The following ARHGAP15 variants were observed in gnomAD, a reference collection of about 807,000 sequenced individuals.
ARHGAP15 encodes the protein Rho GTPase activating protein 15.
Under a neutral mutation model 63.7 loss-of-function variants are expected in ARHGAP15, and 51 were observed. That is an observed-to-expected ratio of 0.80 (90% CI 0.64 to 1.01). The LOEUF (loss-of-function observed/expected upper bound fraction) is 1.01. Ranked by LOEUF, ARHGAP15 falls within the 50% of genes least tolerant of loss-of-function variation. The pLI is 0.00. For synonymous variants in ARHGAP15, 191 were observed against 193.8 expected, an observed-to-expected ratio of 0.99 and a Z score of 0.12; for missense variants, 560 against 564.6, an observed-to-expected ratio of 0.99 and a Z score of 0.08.
chr2:143,366,656 G>A (rs1443788738), intron 6 of ARHGAP15, among the ~76,000 whole-genome samples: 1 of 151,906 alleles, frequency 6.6e-6, no homozygotes, highest in Non-Finnish European at 1.5e-5. Flanking sequence ...AAATCTATAT[G>A]TTTCAGTTTA....
intron 9 of ARHGAP15, among the ~76,000 whole-genome samples, chr2:143,507,633 A>T (rs1415199847): frequency 6.6e-6 from 1 of 152,234 alleles, no homozygotes; most frequent in Non-Finnish European, 1.5e-5. Flanking sequence ...AACTTAAAAC[A>T]TCAGTCTCAA....
chr2:143,214,452 G>A (rs1022278557), intron 3 of ARHGAP15, among the ~76,000 whole-genome samples: 3 of 152,066 alleles, frequency 2.0e-5, no homozygotes, highest in African/African-American at 4.8e-5. Context: ...TGGGTTTTAC[G>A]AGGTAGAAAA....
intron 12 of ARHGAP15, among the ~76,000 whole-genome samples, chr2:143,646,065 G>C (rs1680860650): frequency 6.6e-6 from 1 of 152,060 alleles, no homozygotes; most frequent in Admixed American, 6.6e-5. Context: ...GTTGAAAGTA[G>C]AAACAGTAAG....
intron 10 of ARHGAP15, among the ~76,000 whole-genome samples, chr2:143,527,987 A>G (rs1156233133): frequency 6.6e-6 from 1 of 152,100 alleles, no homozygotes; most frequent in African/African-American, 2.4e-5. Flanking sequence ...ATATTGTTCA[A>G]TAAGGTACCA....
intron 13 of ARHGAP15, among the ~76,000 whole-genome samples, chr2:143,737,766 ATTTT>A (rs869195667): frequency 3.5e-4 from 44 of 125,052 alleles, no homozygotes; most frequent in African/African-American, 7.9e-4. Flanking sequence ...TTATTTATTT[ATTTT>A]TTGAGATGGA....
chr2:143,735,945 A>T (rs1685728603), intron 13 of ARHGAP15, among the ~76,000 whole-genome samples: 1 of 152,202 alleles, frequency 6.6e-6, no homozygotes, highest in African/African-American at 2.4e-5. Flanking sequence ...CTACTACTAA[A>T]TTGACAAGGC....
chr2:143,275,512 TTGA>T, intron 6 of ARHGAP15, among the ~76,000 whole-genome samples: 1 of 152,344 alleles, frequency 6.6e-6, no homozygotes, highest in Middle Eastern at 3.4e-3. Flanking sequence ...AATTAACTAT[TTGA>T]TGAGCTGAAT....
intron 6 of ARHGAP15, among the ~76,000 whole-genome samples, chr2:143,410,605 A>G (rs1337116632): frequency 6.6e-6 from 1 of 152,226 alleles, no homozygotes; most frequent in Non-Finnish European, 1.5e-5. Context: ...ATAGCAGTTA[A>G]CATACAGAAA....
intron 2 of ARHGAP15, among the ~76,000 whole-genome samples, chr2:143,194,457 A>T (rs187491072): frequency 5.9e-5 from 9 of 152,216 alleles, no homozygotes; most frequent in Non-Finnish European, 1.3e-4. Flanking sequence ...TAGATCTAAT[A>T]CCATTAGTAA....
chr2:143,716,805 T>C (rs1262473067), intron 13 of ARHGAP15, among the ~76,000 whole-genome samples: 4 of 152,264 alleles, frequency 2.6e-5, no homozygotes, highest in African/African-American at 2.4e-5. Context: ...CCAACTGTGA[T>C]AGAGGCACAG....
intron 11 of ARHGAP15, among the ~76,000 whole-genome samples, chr2:143,595,971 G>C (rs1038385464): frequency 2.6e-5 from 4 of 152,180 alleles, no homozygotes. Context: ...TATTTTTTAT[G>C]TAAAGAAACA....
chr2:143,268,853 T>C (rs1384865060), intron 6 of ARHGAP15, among the ~76,000 whole-genome samples: 1 of 151,374 alleles, frequency 6.6e-6, no homozygotes, highest in Non-Finnish European at 1.5e-5. Context: ...AAGATTCAAT[T>C]AGGATAAACT....
At chr2:143,290,648 A>G (rs553705949) in intron 6 of ARHGAP15, among the ~76,000 whole-genome samples, 4 of 152,272 alleles carry the variant, frequency 2.6e-5, no homozygotes, top group African/African-American at 9.6e-5. Flanking sequence ...TAGCCCATGC[A>G]CTTTCAAGTT....
intron 10 of ARHGAP15, among the ~76,000 whole-genome samples, chr2:143,527,012 TAAG>T (rs1464862848): frequency 1.3e-5 from 2 of 152,096 alleles, no homozygotes; most frequent in African/African-American, 4.8e-5. Flanking sequence ...TAATGATAAT[TAAG>T]AAACCAAATT....
At chr2:143,555,782 A>T (rs981429921) in intron 10 of ARHGAP15, among the ~76,000 whole-genome samples, 5 of 152,120 alleles carry the variant, frequency 3.3e-5, no homozygotes, top group African/African-American at 1.2e-4. Context: ...CTAGCATTAT[A>T]TCTAGAATAG....
At chr2:143,345,836 C>T (rs1483077422) in intron 6 of ARHGAP15, among the ~76,000 whole-genome samples, 1 of 152,062 alleles carries the variant, frequency 6.6e-6, no homozygotes, top group Non-Finnish European at 1.5e-5. Flanking sequence ...ACCATATTAT[C>T]TTGTGTTGCT....
intron 12 of ARHGAP15, among the ~76,000 whole-genome samples, chr2:143,671,260 T>A (rs1458937565): frequency 6.6e-6 from 1 of 152,166 alleles, no homozygotes; most frequent in Non-Finnish European, 1.5e-5. Context: ...AGTTTTTTTT[T>A]TATATCGCTG....
At chr2:143,646,231 C>G (rs1266533960) in intron 12 of ARHGAP15, among the ~76,000 whole-genome samples, 3 of 151,858 alleles carry the variant, frequency 2.0e-5, no homozygotes, top group Non-Finnish European at 1.5e-5. Flanking sequence ...TATTCTGTTG[C>G]TCATGGTGTT....
At chr2:143,450,177 G>T (rs1690347290) in intron 8 of ARHGAP15, among the ~76,000 whole-genome samples, 3 of 144,714 alleles carry the variant, frequency 2.1e-5, no homozygotes, top group African/African-American at 5.1e-5. Context: ...TTTAAATCGG[G>T]CATAACCATA....
Sources: gnomAD v4.1 joint callset for allele counts (sites outside exome capture counted in the v4.1 genomes callset) on GRCh38, gnomAD v4.1.1 for gene constraint, MANE v1.5 for transcripts, NCBI Gene and HGNC (gene_info 2026-07-23, HGNC 2026-07-21) for gene names.